The following ZCCHC8 variants were observed in gnomAD, a reference collection of about 807,000 sequenced individuals.
The protein encoded by ZCCHC8 is zinc finger CCHC domain-containing protein 8.
ZCCHC8 carries 27 observed loss-of-function variants against 70.6 expected under a neutral mutation model. That is an observed-to-expected ratio of 0.38 (90% CI 0.28 to 0.53). ZCCHC8 has a LOEUF of 0.53. Among genes scored for constraint, ZCCHC8 ranks in the 20% least tolerant of loss-of-function variants. ZCCHC8 has a pLI of 0.81. For synonymous variants in ZCCHC8, 293 were observed against 317.4 expected, an observed-to-expected ratio of 0.92 and a Z score of 0.82; for missense variants, 737 against 876.9, an observed-to-expected ratio of 0.84 and a Z score of 2.01.
At position 122,475,287 on chromosome 12, in the gene ZCCHC8, C is replaced by T. The variant is rs1026293927; in HGVS notation, c.1346-1012G>A. Among the ~76,000 whole-genome samples, 27 of 152,100 alleles carry T rather than the reference C, an allele frequency of 1.8e-4. 1 individual carries two copies. The highest frequency in any genetic ancestry group is 1.6e-4 in the Non-Finnish European group (11 of 68,014). ...TTCGAACTCCTGATCTCAAGTGATC[C>T]GCCCACCTCGGCCTCCCAAAGTGCT... On this transcript the variant is annotated intron_variant, in intron 13 of 13. Coordinates refer to ENST00000633063, the MANE Select transcript of ZCCHC8 (RefSeq NM_017612.5).
chr12:122,481,568 T>C lies in ZCCHC8; in HGVS notation c.972A>G (p.Lys324=). ...RQLGYPPGWL[K]EAELENSGLA... ...GCCCCGAATTCTCCAATTCAGCCTC[T>C]TTGAGCCACCCTGGTGGGTACCCTA... Residue 324 remains lysine, a synonymous_variant, in exon 10 of 14, where the codon AAA becomes AAG. Coordinates refer to ENST00000633063, the MANE Select transcript of ZCCHC8 (RefSeq NM_017612.5). 3 of 1,613,942 alleles carry C rather than the reference T, an allele frequency of 1.9e-6. No homozygotes were observed. The highest frequency in any genetic ancestry group is 2.5e-6 in the Non-Finnish European group (3 of 1,179,868).
intron 1 of ZCCHC8, chr12:122,499,269 CTTT>C (rs570830096): frequency 1.5e-3 from 244 of 159,334 alleles, no homozygotes; most frequent in South Asian, 5.3e-3. Flanking sequence ...ATCCTTTCAA[CTTT>C]TTTTTTTTTT....
intron 5 of ZCCHC8, among the ~76,000 whole-genome samples, chr12:122,488,339 G>T (rs1321600422): frequency 6.6e-6 from 1 of 151,822 alleles, no homozygotes; most frequent in Non-Finnish European, 1.5e-5. Flanking sequence ...GCCACACTTG[G>T]CTAATTTCTT....
intron 7 of ZCCHC8, chr12:122,482,974 A>T: frequency 1.9e-6 from 1 of 523,132 alleles, no homozygotes; most frequent in Non-Finnish European, 3.4e-6. Context: ...CAAGGTGAAC[A>T]CATTGATCAT....
intron 5 of ZCCHC8, among the ~76,000 whole-genome samples, chr12:122,488,209 T>G (rs1393616198): frequency 6.6e-6 from 1 of 152,074 alleles, no homozygotes; most frequent in East Asian, 1.9e-4. Context: ...TTTTTGTATT[T>G]TCAGTAGAGA....
At position 122,480,272 on chromosome 12, in the gene ZCCHC8, T is replaced by C. The variant is rs1301350937; in HGVS notation, c.1058A>G (p.Gln353Arg). The C allele has an allele frequency of 3.1e-6, 5 of 1,609,328 alleles. No homozygotes were observed. The highest frequency in any genetic ancestry group is 3.4e-6 in the Non-Finnish European group (4 of 1,177,392). ...GAGATCGTAAGTGACACTTTTATTC[T>C]GTTGTATTTCTCCAACTTCTGTTTC... Reference protein sequence around the residue: ...DGETEVGEIQQNKSVTYDLSK... With the variant: ...DGETEVGEIQRNKSVTYDLSK... Residue 353 changes from glutamine to arginine, a missense_variant, in exon 11 of 14, where the codon CAG becomes CGG. Coordinates refer to ENST00000633063, the MANE Select transcript of ZCCHC8 (RefSeq NM_017612.5).
intron 4 of ZCCHC8, among the ~76,000 whole-genome samples, chr12:122,490,025 T>C (rs933460209): frequency 1.3e-5 from 2 of 151,848 alleles, no homozygotes; most frequent in Non-Finnish European, 2.9e-5. Flanking sequence ...TTCTCCTCTC[T>C]CTCTCTCTCT....
At chr12:122,478,767 A>G (rs1364856656) in intron 11 of ZCCHC8, among the ~76,000 whole-genome samples, 2 of 152,090 alleles carry the variant, frequency 1.3e-5, no homozygotes, top group South Asian at 2.1e-4. Context: ...CACATTCAAC[A>G]GTGGTTCTCG....
chr12:122,499,838 T>A (rs1249598464), intron 1 of ZCCHC8: 1 of 152,198 alleles, frequency 6.6e-6, no homozygotes, highest in Non-Finnish European at 1.5e-5. Context: ...TGAGACTCCA[T>A]TCCCCGACCC....
At chr12:122,475,691 T>C (rs1044146235) in intron 13 of ZCCHC8, among the ~76,000 whole-genome samples, 3 of 152,204 alleles carry the variant, frequency 2.0e-5, no homozygotes, top group African/African-American at 7.2e-5. Flanking sequence ...TCATCTTCCT[T>C]GTGTCTGTCC....
rs2137382608 is a variant in ZCCHC8 at position 122,500,818 on chromosome 12, C to A, written c.23G>T (p.Gly8Val). ...GAACGGCTCGAAGAGCTCTAGATCG[C>A]CAAAATACACCTCTGCGGCCATTTT... MAAEVYF[G>V]DLELFEPFDH... Residue 8 changes from glycine to valine, a missense_variant, in exon 1 of 14, where the codon GGC becomes GTC. Physicochemically the swap from Gly to Val is moderately radical, Grantham distance 109. Coordinates refer to ENST00000633063, the MANE Select transcript of ZCCHC8 (RefSeq NM_017612.5). The surrounding 1 kb of genome is among the most constrained non-coding windows in gnomAD (Gnocchi z 4.8). 6.3e-7 allele frequency: 1 copy of A among 1,575,764 alleles called. No individual in the cohort carries two copies. Among genetic ancestry groups the A allele is most frequent in the Non-Finnish European group, 8.6e-7 (1 of 1,161,506 alleles).
At chr12:122,475,053 A>AT (rs776865900) in intron 13 of ZCCHC8, among the ~76,000 whole-genome samples, 58 of 144,706 alleles carry the variant, frequency 4.0e-4, no homozygotes, top group Non-Finnish European at 7.8e-4. Flanking sequence ...CAATTTCCCA[A>AT]TTTTTTATTT....
intron 5 of ZCCHC8, among the ~76,000 whole-genome samples, chr12:122,486,412 C>CAAAAA (rs762392385): frequency 2.0e-5 from 1 of 50,870 alleles, no homozygotes; most frequent in African/African-American, 6.5e-5. Context: ...GAGGCTGTCT[C>CAAAAA]AAAAAAAAAA....
intron 2 of ZCCHC8, among the ~76,000 whole-genome samples, chr12:122,497,132 C>T (rs1339831166): frequency 4.6e-5 from 7 of 150,950 alleles, no homozygotes; most frequent in Admixed American, 1.3e-4. Context: ...CCAGCCTGGG[C>T]GACAGAGCGA....
At chr12:122,493,413 T>G (rs1242993133) in intron 2 of ZCCHC8, among the ~76,000 whole-genome samples, 1 of 152,062 alleles carries the variant, frequency 6.6e-6, no homozygotes, top group Non-Finnish European at 1.5e-5. Context: ...ACAAGCAGGT[T>G]ACAAGAATAT....
intron 5 of ZCCHC8, among the ~76,000 whole-genome samples, chr12:122,487,192 T>G (rs191743177): frequency 1.3e-5 from 2 of 152,292 alleles, no homozygotes; most frequent in African/African-American, 4.8e-5. Flanking sequence ...CTCTGCTTTA[T>G]TTTTCTTCAG....
chr12:122,479,832 A>G (rs1268379774), intron 11 of ZCCHC8, among the ~76,000 whole-genome samples: 1 of 152,236 alleles, frequency 6.6e-6, no homozygotes, highest in Non-Finnish European at 1.5e-5. Context: ...TAACTGCTAT[A>G]TAAGTTTGTA....
chr12:122,473,204 A>G lies in ZCCHC8; in HGVS notation c.*293T>C, dbSNP rs1325280343. 3 of 304,030 alleles carry G rather than the reference A, an allele frequency of 9.9e-6. No homozygotes were observed. The highest frequency in any genetic ancestry group is 6.4e-5 in the African/African-American group (3 of 47,158). The allele number at this position is 304,030 out of a possible 1,614,324, so 18.8% of individuals were successfully genotyped here. A position where few individuals can be genotyped will look rare whatever the true frequency, so the allele number is the denominator to read the frequency against. ...AAAACAATGTACAAAAGACAGATAA[A>G]AACCATCACTCTCGACGGATAGTCA... On this transcript the variant is annotated 3_prime_UTR_variant, in exon 14 of 14. Transcript: ENST00000633063.
intron 11 of ZCCHC8, among the ~76,000 whole-genome samples, chr12:122,479,709 A>T (rs1957493013): frequency 6.6e-6 from 1 of 152,222 alleles, no homozygotes; most frequent in Non-Finnish European, 1.5e-5. Flanking sequence ...CTGAGGGCAC[A>T]AAATCAGAGA....
Sources: allele counts gnomAD v4.1 joint callset (sites outside exome capture counted in the v4.1 genomes callset), GRCh38; gene constraint gnomAD v4.1.1; non-coding constraint Gnocchi (gnomAD v3.1); transcripts MANE v1.5; gene names NCBI Gene and HGNC (gene_info 2026-07-23, HGNC 2026-07-21).